GABBR1: variants seen among roughly 807,000 people sequenced by gnomAD.
GABBR1 encodes gamma-aminobutyric acid type B receptor subunit 1.
Under a neutral mutation model 117.7 loss-of-function variants are expected in GABBR1, and 35 were observed. That is an observed-to-expected ratio of 0.30 (90% CI 0.23 to 0.39). The LOEUF (loss-of-function observed/expected upper bound fraction) is 0.39, where lower values mean the gene tolerates loss of function less well. GABBR1 is among the 10% of genes least tolerant of loss of function. The probability of loss-of-function intolerance (pLI) is 1.00; values close to 1 mark genes in which losing one functional copy is unlikely to be tolerated. For missense variants in GABBR1, 709 were observed against 1,241.8 expected, an observed-to-expected ratio of 0.57 and a Z score of 6.45; for synonymous variants, 442 against 486.6, an observed-to-expected ratio of 0.91 and a Z score of 1.21.
chr6:29,611,594 CT>C lies in GABBR1; in HGVS notation c.1631-594del, dbSNP rs1429220474. On this transcript the variant is annotated intron_variant, in intron 13 of 22. Coordinates refer to ENST00000377034, the MANE Select transcript of GABBR1 (RefSeq NM_001470.4). The surrounding 1 kb of genome is among the most constrained non-coding windows in gnomAD (Gnocchi z 4.6). ...TTTCACCATGGCTGAAGTCCATTTC[CT>C]CTTGTCCTGGATACAAAGAGGAGCT... 6.6e-6 allele frequency among the ~76,000 whole-genome samples: 1 copy of C among 152,166 alleles called. No individual in the cohort carries two copies. The highest frequency in any genetic ancestry group is 1.5e-5 in the Non-Finnish European group (1 of 68,030).
Position 29,605,066 on chromosome 6 carries a change from G to A in GABBR1, c.2440-78C>T. The A allele has an allele frequency of 7.0e-7, 1 of 1,420,762 alleles. No homozygotes were observed. Among genetic ancestry groups the A allele is most frequent in the Non-Finnish European group, 9.4e-7 (1 of 1,059,434 alleles). The allele number at this position is 1,420,762 out of a possible 1,614,324, so 88.0% of individuals were successfully genotyped here. A position where few individuals can be genotyped will look rare whatever the true frequency, so the allele number is the denominator to read the frequency against. Reference sequence around the variant, plus strand: ...TCCAGAGTTTACTTCCCATGGGAGGGAGTCTATGCAGACAGTTTCCTGGTG... The same window carrying A: ...TCCAGAGTTTACTTCCCATGGGAGGAAGTCTATGCAGACAGTTTCCTGGTG... On this transcript the variant is annotated intron_variant, in intron 20 of 22. Coordinates refer to ENST00000377034, the MANE Select transcript of GABBR1 (RefSeq NM_001470.4). This position sits in a 1 kb window ranked among gnomAD's most constrained non-coding sequence, Gnocchi z 4.2.
At chr6:29,610,828 T>G in intron 14 of GABBR1, 96 bp downstream of exon 14, 1 of 1,073,158 alleles carries the variant, frequency 9.3e-7, no homozygotes, top group Non-Finnish European at 1.4e-6. Flanking sequence ...CATTCCAACC[T>G]AACAGTCTCT....
Position 29,607,298 on chromosome 6 carries a change from G to A in GABBR1, c.1993-80C>T. The A allele has an allele frequency of 8.7e-7, 1 of 1,153,728 alleles. No individual in the cohort carries two copies. Among genetic ancestry groups the A allele is most frequent in the Non-Finnish European group, 1.3e-6 (1 of 770,798 alleles). 71.5% of individuals were successfully genotyped at this position (1,153,728 alleles called of 1,614,324 possible). The stretch of plus-strand genomic sequence containing the variant: ...CAGTAAGGATGGGCAGAACCCTAAG[G>A]GAGAGTGGGCAGGGAGCACGGGCAG... On this transcript the variant is annotated intron_variant, in intron 16 of 22. Transcript: ENST00000377034. This position sits in a 1 kb window ranked among gnomAD's most constrained non-coding sequence, Gnocchi z 5.0.
Position 29,607,196 on chromosome 6 carries a change from A to G in GABBR1, c.2015T>C (p.Leu672Pro), listed in dbSNP as rs747256457. The G allele has an allele frequency of 6.2e-7, 1 of 1,614,132 alleles. No individual in the cohort carries two copies. The highest frequency in any genetic ancestry group is 1.7e-5 in the Admixed American group (1 of 60,028). Residue 672 changes from leucine (L) to proline (P), a missense_variant, in exon 17 of 23, where the codon CTG (leucine) becomes CCG (proline). Leu to Pro is a moderately conservative substitution (Grantham distance 98). This residue lies in a region of GABBR1 where 251 missense variants were observed against 445.3 expected (regional missense o/e 0.56). Transcript: ENST00000377034. The surrounding 1 kb of genome is among the most constrained non-coding windows in gnomAD (Gnocchi z 5.0). ...VCQARLWLLG[L>P]GFSLGYGSMF... ...GGAACCGTAGCCCAGACTAAAGCCC[A>G]GGCCCAGGAGCCAGAGGCGGGCCTA...
Position 29,605,018 on chromosome 6 carries a change from C to G in GABBR1, c.2440-30G>C, listed in dbSNP as rs769294910. The G allele has an allele frequency of 1.9e-6, 3 of 1,585,192 alleles. No individual in the cohort carries two copies. In the South Asian group the frequency reaches 3.5e-5, roughly 18 times the overall value. ...AGGGAAAGACACATTGAGGGAGTCT[C>G]AGGTCTGCAGGCTCAGACAAGATCC... On this transcript the variant is annotated intron_variant, in intron 20 of 22. Coordinates refer to ENST00000377034, the MANE Select transcript of GABBR1 (RefSeq NM_001470.4). This position sits in a 1 kb window ranked among gnomAD's most constrained non-coding sequence, Gnocchi z 4.2.
At position 29,603,442 on chromosome 6, in the gene GABBR1, T is replaced by C. The variant is rs1761594553; in HGVS notation, c.*101A>G. On this transcript the variant is annotated 3_prime_UTR_variant, in exon 23 of 23. Coordinates refer to ENST00000377034, the MANE Select transcript of GABBR1 (RefSeq NM_001470.4). ...ACAAGAGATGAGATTGGATAGCATG[T>C]TCTTCCCAGCTGGGGATGGGGACCC... The C allele has an allele frequency of 2.1e-6, 2 of 973,746 alleles. No individual in the cohort carries two copies. The highest frequency in any genetic ancestry group is 1.6e-5 in the African/African-American group (1 of 61,960). 60.3% of individuals were successfully genotyped at this position (973,746 alleles called of 1,614,324 possible).
At position 29,627,150 on chromosome 6, in the gene GABBR1, T is replaced by A. The variant is rs1049570956; in HGVS notation, c.657+336A>T. ...CACCCCCAACCCATTCCAGGGTTAG[T>A]TTACTCCCTCAGAGGATCAGTGTCT... On this transcript the variant is annotated intron_variant, in intron 6 of 22. Transcript: ENST00000377034. The surrounding 1 kb of genome is among the most constrained non-coding windows in gnomAD (Gnocchi z 4.4). Among the ~76,000 whole-genome samples, 7 of 152,028 alleles carry A rather than the reference T, an allele frequency of 4.6e-5. No individual in the cohort carries two copies. The highest frequency in any genetic ancestry group is 7.2e-5 in the African/African-American group (3 of 41,394).
chr6:29,619,454 C>T lies in GABBR1; in HGVS notation c.1323+1647G>A, dbSNP rs143152251. ...TCTAGACACAAAGTCAGAAAGGGAC[C>T]TTCCAAGTCTTCCCACCCCAATGCT... is the stretch of plus-strand genomic sequence containing the variant. On this transcript the variant is annotated intron_variant, in intron 11 of 22. Transcript: ENST00000377034. 2.8e-3 allele frequency among the ~76,000 whole-genome samples: 430 copies of T among 152,328 alleles called. 4 individuals carry two copies. The highest frequency in any genetic ancestry group is 2.2e-3 in the Non-Finnish European group (151 of 68,028).
At position 29,621,691 on chromosome 6, in the gene GABBR1, C is replaced by T; in HGVS notation, c.1131+61G>A. On this transcript the variant is annotated intron_variant, in intron 10 of 22. Coordinates refer to ENST00000377034, the MANE Select transcript of GABBR1 (RefSeq NM_001470.4). The surrounding 1 kb of genome is among the most constrained non-coding windows in gnomAD (Gnocchi z 5.0). ...CAGGCACAGATGCCAAGAGGAGGCC[C>T]CACAAGAAAACCAAGGGAAACTCCC... 6.9e-7 allele frequency: 1 copy of T among 1,457,712 alleles called. No individual in the cohort carries two copies. Among genetic ancestry groups the T allele is most frequent in the Non-Finnish European group, 9.6e-7 (1 of 1,038,140 alleles). The allele number at this position is 1,457,712 out of a possible 1,614,324, so 90.3% of individuals were successfully genotyped here.
chr6:29,627,673 G>C lies in GABBR1; in HGVS notation c.497-27C>G. 6.5e-7 allele frequency: 1 copy of C among 1,536,990 alleles called. No individual in the cohort carries two copies. Among genetic ancestry groups the C allele is most frequent in the Non-Finnish European group, 8.7e-7 (1 of 1,146,630 alleles). ...TGAGGAGGGGTGCGGGGGGACCCGC[G>C]AGTGAGGCCGCGGGAGATGGGGGGA... is the stretch of plus-strand genomic sequence containing the variant. On this transcript the variant is annotated intron_variant, in intron 5 of 22. Coordinates refer to ENST00000377034, the MANE Select transcript of GABBR1 (RefSeq NM_001470.4). The surrounding 1 kb of genome is among the most constrained non-coding windows in gnomAD (Gnocchi z 4.4).
Position 29,609,305 on chromosome 6 carries a change from C to T in GABBR1, c.1783G>A (p.Val595Ile), listed in dbSNP as rs767518606. ...RFLSQKLFISVSVLSSLGIVL... is the reference protein window; with the variant it reads ...RFLSQKLFISISVLSSLGIVL... ...ATGCCCAGGCTGGAGAGAACTGAGA[C>T]GGAGATAAAGAGTTTCTGTGACAGG... Residue 595 changes from valine to isoleucine, a missense_variant, in exon 15 of 23, where the codon GTC (valine) becomes ATC (isoleucine). Physicochemically the swap from Val to Ile is conservative, Grantham distance 29. This residue lies in a region of GABBR1 where 251 missense variants were observed against 445.3 expected (regional missense o/e 0.56). Transcript: ENST00000377034. This position sits in a 1 kb window ranked among gnomAD's most constrained non-coding sequence, Gnocchi z 4.3. 8.7e-6 allele frequency: 14 copies of T among 1,612,686 alleles called. No homozygotes were observed. Among genetic ancestry groups the T allele is most frequent in the South Asian group, 3.3e-5 (3 of 91,068 alleles).
At chr6:29,624,697 GA>G (rs1167536600) in intron 6 of GABBR1, among the ~76,000 whole-genome samples, 4 of 152,078 alleles carry the variant, frequency 2.6e-5, no homozygotes, top group African/African-American at 9.7e-5. Context: ...AGAATGAATA[GA>G]ATGGAACTCT....
rs759291908 is a variant in GABBR1 at position 29,602,963 on chromosome 6, G to C, written c.*580C>G. The C allele has an allele frequency of 1.8e-5, 8 of 455,976 alleles. No individual in the cohort carries two copies. The highest frequency in any genetic ancestry group is 1.6e-4 in the African/African-American group (8 of 50,050). The allele number at this position is 455,976 out of a possible 1,614,324, so 28.2% of individuals were successfully genotyped here. A position where few individuals can be genotyped will look rare whatever the true frequency, so the allele number is the denominator to read the frequency against. ...AGGGGAGGATGCATGTGTGCTGAGC[G>C]TGAGTGCACAGAGCAGAGGCAAGGA... On this transcript the variant is annotated 3_prime_UTR_variant, in exon 23 of 23. Coordinates refer to ENST00000377034, the MANE Select transcript of GABBR1 (RefSeq NM_001470.4).
chr6:29,603,319 A>ATACAAAAT lies in GABBR1; in HGVS notation c.*216_*223dup, dbSNP rs1379691287. On this transcript the variant is annotated 3_prime_UTR_variant, in exon 23 of 23. Coordinates refer to ENST00000377034, the MANE Select transcript of GABBR1 (RefSeq NM_001470.4). ...GTACGAACTAAATTGTGAAGAGGTG[A>ATACAAAAT]TACAAAATTACATGAAGCAGTAAGA... 1 of 698,912 alleles carries ATACAAAAT rather than the reference A, an allele frequency of 1.4e-6. No individual in the cohort carries two copies. The highest frequency in any genetic ancestry group is 1.7e-5 in the African/African-American group (1 of 57,276). The allele number at this position is 698,912 out of a possible 1,614,324, so 43.3% of individuals were successfully genotyped here. A position where few individuals can be genotyped will look rare whatever the true frequency, so the allele number is the denominator to read the frequency against.
chr6:29,631,527 G>C lies in GABBR1; in HGVS notation c.158C>G (p.Ala53Gly). The change falls in exon 3 of 23, where the codon GCT (alanine) becomes GGT (glycine). Residue 53 changes from alanine to glycine, a missense_variant. Physicochemically the swap from Ala to Gly is moderately conservative, Grantham distance 60. This residue lies in a region of GABBR1 where 101 missense variants were observed against 132.3 expected (regional missense o/e 0.76). Coordinates refer to ENST00000377034, the MANE Select transcript of GABBR1 (RefSeq NM_001470.4). The surrounding 1 kb of genome is among the most constrained non-coding windows in gnomAD (Gnocchi z 5.9). ...ATAGTCCACTGGCAGGAAGTTGATA[G>C]CCTTCACCTGGTCCCGAGTCAGGCC... is the stretch of plus-strand genomic sequence containing the variant. The part of the protein sequence containing the change: ...YRGLTRDQVK[A>G]INFLPVDYEI... 6.2e-7 allele frequency: 1 copy of C among 1,614,220 alleles called. No individual in the cohort carries two copies. The highest frequency in any genetic ancestry group is 8.5e-7 in the Non-Finnish European group (1 of 1,180,040).
In GABBR1 at chr6:29,611,135, T is replaced by C. The variant is rs554120753; in HGVS notation, c.1631-134A>G. ...TTTTCACCTGAGGCCCTAAGGATGC[T>C]TGGAAGGACCTACGAGACTCTTGAA... On this transcript the variant is annotated intron_variant, in intron 13 of 22. Transcript: ENST00000377034. This position sits in a 1 kb window ranked among gnomAD's most constrained non-coding sequence, Gnocchi z 4.6. The C allele has an allele frequency of 1.5e-6, 1 of 667,464 alleles. No homozygotes were observed. The highest frequency in any genetic ancestry group is 1.9e-5 in the South Asian group (1 of 52,714). The allele number at this position is 667,464 out of a possible 1,614,324, so 41.3% of individuals were successfully genotyped here. A position where few individuals can be genotyped will look rare whatever the true frequency, so the allele number is the denominator to read the frequency against.
chr6:29,610,163 C>T (rs1762395043), intron 14 of GABBR1, among the ~76,000 whole-genome samples: 1 of 151,796 alleles, frequency 6.6e-6, no homozygotes, highest in African/African-American at 2.4e-5. Flanking sequence ...AATGGTTGAG[C>T]CTCCCCTTCA....
intron 6 of GABBR1, among the ~76,000 whole-genome samples, chr6:29,625,388 G>A (rs550499016): frequency 2.0e-5 from 3 of 152,168 alleles, no homozygotes; most frequent in Non-Finnish European, 2.9e-5. Flanking sequence ...GGACATACAA[G>A]AACATATAAG....
rs1323513753 is a variant in GABBR1 at position 29,622,364 on chromosome 6, T to C, written c.964-159A>G. On this transcript the variant is annotated intron_variant, in intron 8 of 22. Transcript: ENST00000377034. The surrounding 1 kb of genome is among the most constrained non-coding windows in gnomAD (Gnocchi z 4.6). The stretch of plus-strand genomic sequence containing the variant: ...CAGCTTCTGTCCCTGAAGTGAGGAG[T>C]TCGGGAAGGCATCTGGTCTTAGGAT... 3.2e-6 allele frequency: 2 copies of C among 620,020 alleles called. No homozygotes were observed. Among genetic ancestry groups the C allele is most frequent in the Non-Finnish European group, 2.9e-6 (1 of 346,532 alleles). The allele number at this position is 620,020 out of a possible 1,614,324, so 38.4% of individuals were successfully genotyped here. A position where few individuals can be genotyped will look rare whatever the true frequency, so the allele number is the denominator to read the frequency against.
Sources: allele counts gnomAD v4.1 joint callset (sites outside exome capture counted in the v4.1 genomes callset), GRCh38; gene constraint gnomAD v4.1.1; regional missense constraint gnomAD v4.1.1; non-coding constraint Gnocchi (gnomAD v3.1); transcripts MANE v1.5; gene names NCBI Gene and HGNC (gene_info 2026-07-23, HGNC 2026-07-21).